ABCA13: variants seen among roughly 807,000 people sequenced by gnomAD.
ABCA13 encodes the protein ATP binding cassette subfamily A member 13, also known as ATP-binding cassette sub-family A member 13.
Under a neutral mutation model 478.7 loss-of-function variants are expected in ABCA13, and 476 were observed. The ratio of observed to expected loss-of-function variants is 0.99; its 90% CI spans 0.92 to 1.07. The LOEUF (loss-of-function observed/expected upper bound fraction) is 1.07, where lower values mean the gene tolerates loss of function less well. Ranked by LOEUF, ABCA13 falls within the 50% of genes least tolerant of loss-of-function variation. ABCA13 has a pLI of 0.00. For missense variants in ABCA13, 6,060 were observed against 5,910.6 expected (o/e 1.03, Z -0.83); for synonymous variants, 2,252 against 2,158.9 (o/e 1.04, Z -1.20).
At chr7:48,364,739 T>A (rs545866102) in intron 31 of ABCA13, among the ~76,000 whole-genome samples, 1 of 151,934 alleles carries the variant, frequency 6.6e-6, no homozygotes, top group African/African-American at 2.4e-5. Flanking sequence ...AATAACAGGA[T>A]TTTTTCTTTG....
intron 15 of ABCA13, among the ~76,000 whole-genome samples, chr7:48,253,351 A>AT (rs1483399053): frequency 2.6e-5 from 4 of 152,000 alleles, no homozygotes; most frequent in African/African-American, 9.7e-5. Flanking sequence ...AGCAAGTTCT[A>AT]TTTTTTCCCT....
chr7:48,313,041 T>C, intron 24 of ABCA13, 26 bp from the exon 25 acceptor site: 1 of 1,522,386 alleles, frequency 6.6e-7, no homozygotes. Flanking sequence ...TATTTCATGT[T>C]GTTTTGTTTT....
In ABCA13 at chr7:48,276,199, C is replaced by G. The variant is rs1880736; in HGVS notation, c.6533C>G (p.Ala2178Gly). The part of the protein sequence containing the change: ...FWGSLKNISR[A>G]GNFDVAFLTH... ...GGCTCTTTAAAAAATATATCTAGAGCAGGCAATTTTGATGTTGCCTTTCTT... is the reference window on the plus strand; with the variant it reads ...GGCTCTTTAAAAAATATATCTAGAGGAGGCAATTTTGATGTTGCCTTTCTT... The change falls in exon 17 of 62, where the codon GCA becomes GGA. Residue 2178 changes from alanine to glycine, a missense_variant. By Grantham distance (60) the Ala-to-Gly change is moderately conservative. Around this residue, in one of 3 missense-constraint regions of ABCA13, gnomAD observed 4,423 missense variants for 4,309.1 expected, o/e 1.03. Coordinates refer to ENST00000435803, the MANE Select transcript of ABCA13 (RefSeq NM_152701.5). 3 of 1,585,956 alleles carry G rather than the reference C, an allele frequency of 1.9e-6. No homozygotes were observed. The highest frequency in any genetic ancestry group is 2.6e-6 in the Non-Finnish European group (3 of 1,165,234).
Position 48,442,285 on chromosome 7 carries a change from C to T in ABCA13, c.12566-12752C>T, listed in dbSNP as rs113813605. Among the ~76,000 whole-genome samples, 562 of 152,300 alleles carry T rather than the reference C, an allele frequency of 3.7e-3. 4 individuals carry two copies. The highest frequency in any genetic ancestry group is 0.01 in the Middle Eastern group (3 of 294). The stretch of plus-strand genomic sequence containing the variant: ...GCTTGGGCTGCCAAACTGCCACAGA[C>T]TGAGCGGCTTAAACAACAGACATTC... On this transcript the variant is annotated intron_variant, in intron 42 of 61. Transcript: ENST00000435803.
chr7:48,328,597 T>A (rs778327100), intron 27 of ABCA13, among the ~76,000 whole-genome samples: 2 of 152,114 alleles, frequency 1.3e-5, no homozygotes, highest in Non-Finnish European at 2.9e-5. Flanking sequence ...GCTCTTTTAC[T>A]GACCTTGGAT....
At chr7:48,550,089 G>A (rs367545064) in intron 55 of ABCA13, among the ~76,000 whole-genome samples, 5 of 151,752 alleles carry the variant, frequency 3.3e-5, no homozygotes, top group African/African-American at 9.7e-5. Context: ...TGTCAATTTT[G>A]AATTTTGTTG....
At position 48,273,962 on chromosome 7, in the gene ABCA13, C is replaced by T. The variant is rs1426965266; in HGVS notation, c.4296C>T (p.Asn1432=). The part of the protein sequence containing the change: ...GNFRDIENKM[N]SILKIVTWVL... ...TCAGAGATATAGAAAACAAAATGAA[C>T]TCTATATTAAAAATTGTAACTTGGG... The change falls in exon 17 of 62, where the codon AAC becomes AAT. Residue 1432 remains asparagine (N), a synonymous_variant. Coordinates refer to ENST00000435803, the MANE Select transcript of ABCA13 (RefSeq NM_152701.5). 8 of 1,610,156 alleles carry T rather than the reference C, an allele frequency of 5.0e-6. No individual in the cohort carries two copies. Among genetic ancestry groups the T allele is most frequent in the Admixed American group, 1.7e-5 (1 of 59,788 alleles).
chr7:48,204,251 C>T (rs1313862667), intron 3 of ABCA13, among the ~76,000 whole-genome samples: 1 of 151,664 alleles, frequency 6.6e-6, no homozygotes, highest in African/African-American at 2.4e-5. Flanking sequence ...GCTCTGCTGC[C>T]CAGGCTGGAG....
chr7:48,436,468 A>G (rs965333408), intron 42 of ABCA13, among the ~76,000 whole-genome samples: 5 of 151,780 alleles, frequency 3.3e-5, no homozygotes, highest in African/African-American at 1.2e-4. Context: ...TAAAGAACAA[A>G]TTATTGACTT....
intron 3 of ABCA13, among the ~76,000 whole-genome samples, chr7:48,200,566 T>A (rs909196794): frequency 6.6e-6 from 1 of 152,134 alleles, no homozygotes; most frequent in Non-Finnish European, 1.5e-5. Context: ...GCCTTTAACT[T>A]TGAGAACGAA....
Position 48,421,219 on chromosome 7 carries a change from A to G in ABCA13, c.12460-6547A>G, listed in dbSNP as rs551693628. Reference sequence around the variant, plus strand: ...TCTCTCTCTTTTTTTTTTTGAGGATATATTTTGAGAATCTGTAAATTCCAC... The same window carrying G: ...TCTCTCTCTTTTTTTTTTTGAGGATGTATTTTGAGAATCTGTAAATTCCAC... On this transcript the variant is annotated intron_variant, in intron 41 of 61. Coordinates refer to ENST00000435803, the MANE Select transcript of ABCA13 (RefSeq NM_152701.5). Among the ~76,000 whole-genome samples the G allele has an allele frequency of 1.7e-4, 26 of 150,240 alleles. 1 individual carries two copies. In the South Asian group the frequency reaches 5.4e-3, roughly 31 times the overall value.
intron 55 of ABCA13, among the ~76,000 whole-genome samples, chr7:48,575,252 T>C (rs1358209619): frequency 1.3e-5 from 2 of 152,140 alleles, no homozygotes; most frequent in African/African-American, 4.8e-5. Context: ...TGGAGCACTA[T>C]GGAAAGATTC....
At chr7:48,446,275 G>C (rs1824287542) in intron 42 of ABCA13, among the ~76,000 whole-genome samples, 2 of 151,020 alleles carry the variant, frequency 1.3e-5, no homozygotes, top group Non-Finnish European at 2.9e-5. Context: ...GAAACATCCT[G>C]TTAGAGTATC....
chr7:48,412,508 C>T lies in ABCA13; in HGVS notation c.12384C>T (p.Leu4128=), dbSNP rs1254467937. The T allele has an allele frequency of 1.2e-6, 2 of 1,613,590 alleles. No homozygotes were observed. Among genetic ancestry groups the T allele is most frequent in the South Asian group, 1.1e-5 (1 of 91,054 alleles). Residue 4128 remains leucine (L), a synonymous_variant, in exon 41 of 62, where the codon CTC becomes CTT. Transcript: ENST00000435803. ...CAGACAAGGCCTGCTTGAAAGGGCT[C>T]TTCCAGGCCCTGGATGAGAACCTGC... is the stretch of plus-strand genomic sequence containing the variant. ...KDTDKACLKG[L]FQALDENLHQ... is the part of the protein sequence containing the mutation.
At chr7:48,410,972 C>A (rs1483955772) in intron 40 of ABCA13, among the ~76,000 whole-genome samples, 1 of 146,562 alleles carries the variant, frequency 6.8e-6, no homozygotes, top group Non-Finnish European at 1.5e-5. Context: ...TCTAGAAATT[C>A]TTTTCTCTTT....
At chr7:48,189,730 T>C (rs999742320) in intron 1 of ABCA13, among the ~76,000 whole-genome samples, 2 of 152,218 alleles carry the variant, frequency 1.3e-5, no homozygotes, top group Non-Finnish European at 2.9e-5. Flanking sequence ...CTTTAAATGA[T>C]GTTGTCTTCA....
intron 28 of ABCA13, among the ~76,000 whole-genome samples, chr7:48,336,136 T>C (rs1031950725): frequency 6.6e-6 from 1 of 152,200 alleles, no homozygotes; most frequent in Non-Finnish European, 1.5e-5. Context: ...TTGAGTTTGA[T>C]TCCCGGCTCA....
At chr7:48,346,918 C>T (rs774550990) in intron 29 of ABCA13, among the ~76,000 whole-genome samples, 4 of 152,170 alleles carry the variant, frequency 2.6e-5, no homozygotes, top group Non-Finnish European at 5.9e-5. Context: ...TTCTATGTTC[C>T]CAAACCAGGT....
At chr7:48,246,375 C>T (rs1192623984) in intron 13 of ABCA13, among the ~76,000 whole-genome samples, 1 of 152,176 alleles carries the variant, frequency 6.6e-6, no homozygotes. Flanking sequence ...TCAATCCCAG[C>T]AAAACTGTGG....
Sources: gnomAD v4.1 joint callset for allele counts (sites outside exome capture counted in the v4.1 genomes callset) on GRCh38, gnomAD v4.1.1 for gene constraint, gnomAD v4.1.1 regional missense constraint, MANE v1.5 for transcripts, NCBI Gene and HGNC (gene_info 2026-07-23, HGNC 2026-07-21) for gene names.